The following NAV1 variants were observed in gnomAD, a reference collection of about 807,000 sequenced individuals.
The protein encoded by NAV1 is pore membrane and/or filament interacting like protein 3.
NAV1 carries 18 observed loss-of-function variants against 175.2 expected under a neutral mutation model. That is an observed-to-expected ratio of 0.10 (90% confidence interval 0.07 to 0.15). NAV1 has a LOEUF of 0.15. Among genes scored for constraint, NAV1 ranks in the 10% least tolerant of loss-of-function variants. The pLI is 1.00. For synonymous variants in NAV1, 897 were observed against 978.7 expected (o/e 0.92, Z 1.56); for missense variants, 1,731 against 2,436.6 (o/e 0.71, Z 6.10).
chr1:201,800,800 A>C (rs1404810758), intron 15 of NAV1, among the ~76,000 whole-genome samples: 1 of 147,624 alleles, frequency 6.8e-6, no homozygotes, highest in Non-Finnish European at 1.5e-5. Flanking sequence ...ATTTTTTTTA[A>C]CTTCAACTTG....
In NAV1 at chr1:201,787,112, C is replaced by T. The variant is rs2102731570; in HGVS notation, c.2995+535C>T. ...GACTCAGATGTGTCCTGGCCACCCCCTTCCTAAAGCCTAGGGAGAAAGGAG... is the reference window on the plus strand; with the variant it reads ...GACTCAGATGTGTCCTGGCCACCCCTTTCCTAAAGCCTAGGGAGAAAGGAG... On this transcript the variant is annotated intron_variant, in intron 9 of 29. Coordinates refer to ENST00000367296, the Ensembl canonical transcript of NAV1. The surrounding 1 kb of genome is among the most constrained non-coding windows in gnomAD (Gnocchi z 4.3). Among the ~76,000 whole-genome samples the T allele has an allele frequency of 6.6e-6, 1 of 152,298 alleles. No homozygotes were observed. The highest frequency in any genetic ancestry group is 2.1e-4 in the South Asian group (1 of 4,824).
intron 1 of NAV1, among the ~76,000 whole-genome samples, chr1:201,650,831 T>G (rs1669174713): frequency 6.6e-6 from 1 of 151,992 alleles, no homozygotes; most frequent in East Asian, 1.9e-4. Context: ...AAGAGCAGCC[T>G]TTTCCCCTGG....
chr1:201,765,381 C>CTTTTTTT (rs59583786), intron 3 of NAV1, among the ~76,000 whole-genome samples: 9 of 98,618 alleles, frequency 9.1e-5, no homozygotes, highest in African/African-American at 1.2e-4. Context: ...AGGAAATATT[C>CTTTTTTT]TTTTTTTTTT....
intron 1 of NAV1, among the ~76,000 whole-genome samples, chr1:201,689,829 C>T (rs1399852256): frequency 6.6e-6 from 1 of 152,240 alleles, no homozygotes; most frequent in African/African-American, 2.4e-5. Context: ...GGCCTCAGAG[C>T]AGCTGGGTTG....
At chr1:201,600,942 TC>T (rs1298937556) in intron 2 of NAV1, among the ~76,000 whole-genome samples, 1 of 152,196 alleles carries the variant, frequency 6.6e-6, no homozygotes, top group Non-Finnish European at 1.5e-5. Context: ...CCAAAGCTGT[TC>T]AGTAAACCTG....
chr1:201,814,842 G>A (rs980877167), intron 28 of NAV1, among the ~76,000 whole-genome samples: 7 of 151,798 alleles, frequency 4.6e-5, no homozygotes, highest in Non-Finnish European at 7.4e-5. Flanking sequence ...GATCGAGACC[G>A]TCGTGGCTAA....
chr1:201,599,101 ACAGCC>A (rs1667446517), intron 2 of NAV1, among the ~76,000 whole-genome samples: 1 of 152,192 alleles, frequency 6.6e-6, no homozygotes, highest in Non-Finnish European at 1.5e-5. Context: ...ACCCACCCTG[ACAGCC>A]TCCCCACTTG....
rs535392904 is a variant in NAV1, at chr1:201,672,860, G to A, written c.757+23435G>A. On this transcript the variant is annotated intron_variant, in intron 1 of 29. Transcript: ENST00000367296. ...ACAGACTGGGCTCTGAGAACTTACC[G>A]CCCAACAGACGCTCAAGCTCGACTG... 2.6e-5 allele frequency among the ~76,000 whole-genome samples: 4 copies of A among 152,294 alleles called. No homozygotes were observed. In the South Asian group the frequency reaches 6.2e-4, roughly 24 times the overall value.
At chr1:201,601,506 G>A (rs1054752596) in intron 2 of NAV1, among the ~76,000 whole-genome samples, 10 of 152,148 alleles carry the variant, frequency 6.6e-5, no homozygotes, top group African/African-American at 2.4e-4. Flanking sequence ...AACCTCCAGG[G>A]TGATGGTATT....
chr1:201,801,494 T>C (rs1677864785), intron 15 of NAV1, among the ~76,000 whole-genome samples: 1 of 152,144 alleles, frequency 6.6e-6, no homozygotes. Flanking sequence ...TTAAAATATT[T>C]TTTTAAATAG....
At chr1:201,640,945 GA>G (rs1668736587) in intron 2 of NAV1, among the ~76,000 whole-genome samples, 1 of 152,234 alleles carries the variant, frequency 6.6e-6, no homozygotes, top group African/African-American at 2.4e-5. Flanking sequence ...ACCAATAGGT[GA>G]ATGACGAATG....
At chr1:201,695,852 A>T (rs1036151145) in intron 1 of NAV1, among the ~76,000 whole-genome samples, 17 of 152,214 alleles carry the variant, frequency 1.1e-4, no homozygotes, top group Non-Finnish European at 1.5e-5. Context: ...CCCCGGCAGG[A>T]GCTCCGGCTG....
At chr1:201,546,903 C>CA (rs534761806) in intron 1 of NAV1, among the ~76,000 whole-genome samples, 219 of 58,790 alleles carry the variant, frequency 3.7e-3, no homozygotes, top group Middle Eastern at 0.02. Context: ...AACTCTGTCT[C>CA]AAAAAAAAAA....
chr1:201,656,715 G>T (rs556133683), intron 1 of NAV1, among the ~76,000 whole-genome samples: 1 of 152,200 alleles, frequency 6.6e-6, no homozygotes, highest in Non-Finnish European at 1.5e-5. Flanking sequence ...TCACCGGCTT[G>T]CAGCACATAT....
chr1:201,800,687 G>C (rs1349172991), intron 15 of NAV1, among the ~76,000 whole-genome samples: 1 of 152,072 alleles, frequency 6.6e-6, no homozygotes, highest in Non-Finnish European at 1.5e-5. Context: ...CCAATCCGCA[G>C]AGGTAAGAAC....
chr1:201,573,873 T>C (rs1558002944), intron 1 of NAV1, among the ~76,000 whole-genome samples: 1 of 151,990 alleles, frequency 6.6e-6, no homozygotes, highest in African/African-American at 2.4e-5. Flanking sequence ...CTGGGCAACA[T>C]AGAAAGGTCC....
intron 1 of NAV1, among the ~76,000 whole-genome samples, chr1:201,558,556 G>A (rs1175232991): frequency 3.9e-5 from 6 of 152,164 alleles, no homozygotes; most frequent in East Asian, 1.9e-4. Context: ...GGGTTCAAGC[G>A]ATTCTCCTGT....
intron 1 of NAV1, among the ~76,000 whole-genome samples, chr1:201,657,435 A>T (rs746925174): frequency 1.3e-5 from 2 of 152,082 alleles, no homozygotes; most frequent in African/African-American, 2.4e-5. Context: ...CCCCTTTCTT[A>T]TATTTGGGGT....
intron 1 of NAV1, among the ~76,000 whole-genome samples, chr1:201,585,643 T>C (rs1274824893): frequency 1.3e-5 from 2 of 152,072 alleles, no homozygotes; most frequent in South Asian, 2.1e-4. Flanking sequence ...ATTTTTTAAA[T>C]GGGAAAATGA....
Sources: allele counts gnomAD v4.1 joint callset (sites outside exome capture counted in the v4.1 genomes callset), GRCh38; gene constraint gnomAD v4.1.1; non-coding constraint Gnocchi (gnomAD v3.1); transcripts MANE v1.5; gene names NCBI Gene and HGNC (gene_info 2026-07-23, HGNC 2026-07-21).